The following RBFOX2 variants were observed in gnomAD, a reference collection of about 807,000 sequenced individuals.
RBFOX2 encodes RNA binding protein fox-1 homolog 2.
RBFOX2 carries 10 observed loss-of-function variants against 49.1 expected under a neutral mutation model. That is an observed-to-expected ratio of 0.20 (90% confidence interval 0.13 to 0.35). The LOEUF (loss-of-function observed/expected upper bound fraction) is 0.35, where lower values mean the gene tolerates loss of function less well. Among genes scored for constraint, RBFOX2 ranks in the 10% least tolerant of loss-of-function variants. RBFOX2 has a pLI of 1.00. For synonymous variants in RBFOX2, 183 were observed against 187.4 expected (o/e 0.98, Z 0.19); for missense variants, 323 against 486.9 (o/e 0.66, Z 3.17).
At chr22:35,821,173 A>T (rs1954371390) in intron 1 of RBFOX2, among the ~76,000 whole-genome samples, 2 of 152,224 alleles carry the variant, frequency 1.3e-5, no homozygotes, top group South Asian at 4.1e-4. Flanking sequence ...GCATTCTAAA[A>T]TATCTTTGAT....
upstream of RBFOX2, among the ~76,000 whole-genome samples, chr22:35,962,839 C>G (rs1223039193): frequency 6.6e-6 from 1 of 151,888 alleles, no homozygotes; most frequent in Non-Finnish European, 1.5e-5. Flanking sequence ...CTTCTCAGAG[C>G]CATATTTGAT....
chr22:35,784,040 G>A (rs901257010), intron 2 of RBFOX2, among the ~76,000 whole-genome samples: 9 of 152,190 alleles, frequency 5.9e-5, no homozygotes, highest in East Asian at 1.9e-4. Context: ...AGTGACATGC[G>A]CTGAAGCGGG....
At chr22:35,922,791 A>C (rs1012467905) in intron 1 of RBFOX2, among the ~76,000 whole-genome samples, 1 of 152,162 alleles carries the variant, frequency 6.6e-6, no homozygotes, top group African/African-American at 2.4e-5. Flanking sequence ...ATAGAGCCAC[A>C]ATCTTTTGTT....
At chr22:35,858,210 T>C (rs1210340326) in intron 1 of RBFOX2, among the ~76,000 whole-genome samples, 1 of 152,194 alleles carries the variant, frequency 6.6e-6, no homozygotes, top group African/African-American at 2.4e-5. Flanking sequence ...GGCAATAAAG[T>C]ACAAAACCAA....
At chr22:35,939,609 T>G (rs2053489045), upstream of RBFOX2, among the ~76,000 whole-genome samples, 1 of 152,128 alleles carries the variant, frequency 6.6e-6, no homozygotes, top group South Asian at 2.1e-4. Flanking sequence ...ATGATTCTAA[T>G]TAACCTTATT....
chr22:35,746,386 GA>G, intron 10 of RBFOX2, 86 bp downstream of exon 12: 1 of 1,222,868 alleles, frequency 8.2e-7, no homozygotes, highest in Non-Finnish European at 1.1e-6. Context: ...AGCTGCTGTG[GA>G]AATGGTGAAG....
intron 2 of RBFOX2, among the ~76,000 whole-genome samples, chr22:35,789,096 T>C (rs1002932882): frequency 7.2e-5 from 11 of 152,290 alleles, no homozygotes; most frequent in Admixed American, 7.2e-4. Context: ...ATATAACCCA[T>C]AATGTAATAC....
At position 35,831,551 on chromosome 22, in the gene RBFOX2, C is replaced by T. The variant is rs566371703; in HGVS notation, c.27+8641G>A. Among the ~76,000 whole-genome samples, 5 of 152,360 alleles carry T rather than the reference C, an allele frequency of 3.3e-5. 1 individual carries two copies. The East Asian group carries it at 9.6e-4, about 29-fold the overall frequency. On this transcript the variant is annotated intron_variant, in intron 1 of 11. Coordinates refer to ENST00000405409, the Ensembl canonical transcript of RBFOX2. ...AAATAGTTTTACTGGAACACAGCTA[C>T]AACCAACGATTCATTTACTTATCAT...
chr22:35,855,944 T>C (rs908338553), intron 1 of RBFOX2, among the ~76,000 whole-genome samples: 1 of 151,228 alleles, frequency 6.6e-6, no homozygotes, highest in Non-Finnish European at 1.5e-5. Context: ...GAGGTGGAGG[T>C]TGCAGTGAGC....
At chr22:35,902,677 C>T (rs1043003538) in intron 1 of RBFOX2, among the ~76,000 whole-genome samples, 4 of 152,002 alleles carry the variant, frequency 2.6e-5, no homozygotes, top group African/African-American at 9.7e-5. Context: ...CAGGATCTCA[C>T]TCTGTCGCCC....
intron 1 of RBFOX2, among the ~76,000 whole-genome samples, chr22:35,852,211 T>C (rs1203372358): frequency 1.3e-5 from 2 of 152,180 alleles, no homozygotes; most frequent in Non-Finnish European, 2.9e-5. Flanking sequence ...ACATAGGTTA[T>C]ATGCAAATAC....
chr22:35,841,245 A>T (rs1958710807), upstream of RBFOX2, among the ~76,000 whole-genome samples: 1 of 152,204 alleles, frequency 6.6e-6, no homozygotes, highest in Non-Finnish European at 1.5e-5. Context: ...TTATTGAAAA[A>T]GGTAAATCCT....
rs1194333661 is a variant in RBFOX2 at position 35,933,023 on chromosome 22, A to G, written c.-34+5824T>C. On this transcript the variant is annotated intron_variant, in intron 1 of 13. Coordinates refer to the RBFOX2 transcript ENST00000359369. ...TCATATGAAGACTTCATGCTCCCACATTCTCCAAAGATTCCAGAATATCTT... is the reference window on the plus strand; with the variant it reads ...TCATATGAAGACTTCATGCTCCCACGTTCTCCAAAGATTCCAGAATATCTT... Among the ~76,000 whole-genome samples the G allele has an allele frequency of 2.6e-5, 4 of 152,344 alleles. No homozygotes were observed. In the East Asian group the frequency reaches 7.7e-4, roughly 29 times the overall value.
intron 1 of RBFOX2, among the ~76,000 whole-genome samples, chr22:35,926,068 G>C (rs1011229348): frequency 6.6e-6 from 1 of 152,132 alleles, no homozygotes; most frequent in East Asian, 1.9e-4. Flanking sequence ...ACTGAAACCC[G>C]TAACTATATT....
chr22:35,929,840 G>C (rs1223309076), intron 1 of RBFOX2, among the ~76,000 whole-genome samples: 1 of 152,014 alleles, frequency 6.6e-6, no homozygotes, highest in Admixed American at 6.6e-5. Flanking sequence ...CTGGGGGAGA[G>C]AGGGAGGACT....
chr22:36,000,837 C>T (rs1198915579), intron 1 of RBFOX2, among the ~76,000 whole-genome samples: 1 of 152,116 alleles, frequency 6.6e-6, no homozygotes. Context: ...CTGTCTCCAA[C>T]TCCCTATCTC....
At chr22:35,840,457 G>A (rs1958540200) in exon 1 of RBFOX2, 6 of 1,416,064 alleles carry the variant, frequency 4.2e-6, no homozygotes, top group Non-Finnish European at 5.5e-6. Context: ...TCAGGCAGAT[G>A]GCTGAAGGAA....
chr22:35,787,828 G>A (rs1413086884), intron 2 of RBFOX2, among the ~76,000 whole-genome samples: 3 of 152,212 alleles, frequency 2.0e-5, no homozygotes, highest in Middle Eastern at 3.4e-3. Context: ...GTCATTATCC[G>A]ACCTAACGTA....
At chr22:35,786,656 A>G (rs551295585) in intron 2 of RBFOX2, among the ~76,000 whole-genome samples, 13 of 152,220 alleles carry the variant, frequency 8.5e-5, no homozygotes, top group African/African-American at 3.1e-4. Flanking sequence ...CCTGGAGTGC[A>G]TGTTCTTAGC....
Sources: allele counts gnomAD v4.1 joint callset (sites outside exome capture counted in the v4.1 genomes callset), GRCh38; gene constraint gnomAD v4.1.1; transcripts MANE v1.5; gene names NCBI Gene and HGNC (gene_info 2026-07-23, HGNC 2026-07-21).